Variants in ULK2 observed in about 807,000 individuals in gnomAD.
The protein encoded by ULK2 is serine/threonine-protein kinase ULK2.
ULK2 carries 76 observed loss-of-function variants against 127.5 expected under a neutral mutation model. The ratio of observed to expected loss-of-function variants is 0.60; its 90% CI spans 0.50 to 0.72. The LOEUF is 0.72. Among genes scored for constraint, ULK2 ranks in the 30% least tolerant of loss-of-function variants. ULK2 has a pLI of 0.00. For missense variants in ULK2, 1,144 were observed against 1,295.9 expected (o/e 0.88, Z 1.80); for synonymous variants, 452 against 461.9 (o/e 0.98, Z 0.28).
In ULK2 at chr17:19,867,529, A is replaced by C; in HGVS notation, c.-112T>G. ...CGCCAGCGTGCGGCGGGTCTGGGGCAGCCGCAGCCCCGGGCCCGGGCGGAC... is the reference window on the plus strand; with the variant it reads ...CGCCAGCGTGCGGCGGGTCTGGGGCCGCCGCAGCCCCGGGCCCGGGCGGAC... On this transcript the variant is annotated 5_prime_UTR_variant, in exon 1 of 27. Coordinates refer to ENST00000395544, the MANE Select transcript of ULK2 (RefSeq NM_014683.4). 1 of 640,506 alleles carries C rather than the reference A, an allele frequency of 1.6e-6. No individual in the cohort carries two copies. Among genetic ancestry groups the C allele is most frequent in the Non-Finnish European group, 2.2e-6 (1 of 451,610 alleles). 39.7% of individuals were successfully genotyped at this position (640,506 alleles called of 1,614,324 possible).
At chr17:19,852,373 T>G (rs2042036346) in intron 3 of ULK2, among the ~76,000 whole-genome samples, 1 of 149,758 alleles carries the variant, frequency 6.7e-6, no homozygotes, top group Non-Finnish European at 1.5e-5. Context: ...TACAAAAAGT[T>G]AGCTGGGCAT....
chr17:19,817,755 G>A (rs573441314), intron 12 of ULK2, among the ~76,000 whole-genome samples: 14 of 152,154 alleles, frequency 9.2e-5, no homozygotes, highest in South Asian at 6.2e-4. Flanking sequence ...TTTAAGGAAC[G>A]GAAAAATACT....
Position 19,867,499 on chromosome 17 carries a change from G to A in ULK2, c.-82C>T, listed in dbSNP as rs995365838. 13 of 1,104,356 alleles carry A rather than the reference G, an allele frequency of 1.2e-5. No homozygotes were observed. Among genetic ancestry groups the A allele is most frequent in the South Asian group, 4.5e-5 (2 of 44,740 alleles). The allele number at this position is 1,104,356 out of a possible 1,614,324, so 68.4% of individuals were successfully genotyped here. A position where few individuals can be genotyped will look rare whatever the true frequency, so the allele number is the denominator to read the frequency against. ...TCAGCACCGCGGCTCCGCGGGCCCG[G>A]AGCGCGCCAGCGTGCGGCGGGTCTG... On this transcript the variant is annotated 5_prime_UTR_variant, in exon 1 of 27. Transcript: ENST00000395544.
chr17:19,806,834 TG>T (rs2087526462), intron 14 of ULK2, among the ~76,000 whole-genome samples: 2 of 152,194 alleles, frequency 1.3e-5, no homozygotes, highest in Admixed American at 1.3e-4. Context: ...ATGAAATACT[TG>T]AAAGATAAGG....
At chr17:19,819,295 A>G (rs1026908529) in intron 12 of ULK2, among the ~76,000 whole-genome samples, 4 of 152,118 alleles carry the variant, frequency 2.6e-5, no homozygotes, top group Admixed American at 6.6e-5. Context: ...TGTACTGTGG[A>G]CCATTCTTCT....
intron 3 of ULK2, among the ~76,000 whole-genome samples, chr17:19,856,343 G>C (rs982484055): frequency 6.6e-6 from 1 of 152,176 alleles, no homozygotes; most frequent in Non-Finnish European, 1.5e-5. Context: ...AGCACTTTGG[G>C]AGGCCGAGGC....
chr17:19,861,518 C>G (rs1231495992), intron 3 of ULK2, among the ~76,000 whole-genome samples: 2 of 151,850 alleles, frequency 1.3e-5, no homozygotes, highest in African/African-American at 4.8e-5. Flanking sequence ...GCGCTCCAGC[C>G]TGGCCAACAG....
chr17:19,780,763 A>T (rs1008619695), intron 24 of ULK2, 134 bp from the exon 25 acceptor site: 4 of 1,104,546 alleles, frequency 3.6e-6, no homozygotes, highest in Non-Finnish European at 5.0e-6. Context: ...CAGAAATAGG[A>T]TTTTTTCATG....
At chr17:19,828,920 A>C (rs205106) in intron 10 of ULK2, among the ~76,000 whole-genome samples, 136,140 of 152,176 alleles carry the variant, frequency 0.89, 61,619 homozygotes, top group Non-Finnish European at 0.97. Flanking sequence ...GAAACCAAAA[A>C]TACAAAAAAA....
rs1407755444 is a variant in ULK2 at position 19,808,135 on chromosome 17, G to A, written c.1157+2243C>T. On this transcript the variant is annotated intron_variant, in intron 14 of 26. Transcript: ENST00000395544. ...AATAAAAGATACTCTTGCATATACAGTGAAATGATCTCAGACAAGAATGCT... is the reference window on the plus strand; with the variant it reads ...AATAAAAGATACTCTTGCATATACAATGAAATGATCTCAGACAAGAATGCT... Among the ~76,000 whole-genome samples the A allele has an allele frequency of 2.0e-5, 3 of 152,122 alleles. No individual in the cohort carries two copies. The East Asian group carries it at 5.8e-4, about 29-fold the overall frequency.
chr17:19,843,036 A>T, intron 8 of ULK2, 85 bp downstream of exon 8: 1 of 1,163,290 alleles, frequency 8.6e-7, no homozygotes, highest in South Asian at 1.3e-5. Context: ...CACTGCTTTC[A>T]AAGTATTCTT....
chr17:19,849,856 C>A, intron 3 of ULK2, 82 bp from the exon 4 acceptor site: 1 of 823,354 alleles, frequency 1.2e-6, no homozygotes, highest in Admixed American at 2.9e-5. Context: ...AAATACCATA[C>A]TTGTTCATTA....
intron 6 of ULK2, among the ~76,000 whole-genome samples, chr17:19,845,714 ATTGTTTCAAATAATT>A (rs2041864970): frequency 6.6e-6 from 1 of 152,242 alleles, no homozygotes; most frequent in East Asian, 1.9e-4. Flanking sequence ...TTATGCTTTT[ATTGTTTCAAATAATT>A]TTGAGGTACT....
intron 3 of ULK2, among the ~76,000 whole-genome samples, chr17:19,862,173 T>A (rs1272490795): frequency 1.3e-5 from 2 of 151,774 alleles, no homozygotes; most frequent in East Asian, 3.9e-4. Context: ...CTCAGCTCAC[T>A]GCAACCTCCG....
At chr17:19,852,246 G>A (rs2042032805) in intron 3 of ULK2, among the ~76,000 whole-genome samples, 1 of 151,830 alleles carries the variant, frequency 6.6e-6, no homozygotes, top group Admixed American at 6.6e-5. Flanking sequence ...AAAGCACTGG[G>A]CGCAGTGGCT....
At chr17:19,805,519 T>C (rs2087496365) in intron 14 of ULK2, among the ~76,000 whole-genome samples, 1 of 152,222 alleles carries the variant, frequency 6.6e-6, no homozygotes, top group South Asian at 2.1e-4. Flanking sequence ...AAAACACTTT[T>C]GTAGTGGAGA....
chr17:19,834,445 T>C (rs2041540564), intron 10 of ULK2, among the ~76,000 whole-genome samples: 1 of 149,606 alleles, frequency 6.7e-6, no homozygotes, highest in African/African-American at 2.5e-5. Flanking sequence ...TTAATATATA[T>C]GACAACACAA....
Position 19,776,401 on chromosome 17 carries a change from C to T in ULK2, c.3059G>A (p.Cys1020Tyr). The change falls in exon 27 of 27, where the codon TGT becomes TAT. Residue 1020 changes from cysteine to tyrosine, a missense_variant. Around this residue, in one of 2 missense-constraint regions of ULK2, gnomAD observed 913 missense variants for 970.5 expected, o/e 0.94. Coordinates refer to ENST00000395544, the MANE Select transcript of ULK2 (RefSeq NM_014683.4). The stretch of plus-strand genomic sequence containing the variant: ...CGCCGACAGTCTTCTCTCAATACTA[C>T]ATTTATCTAGAAATAAAATAACAAA... ...ADIENVHKYK[C>Y]SIERRLSALC... 1.9e-6 allele frequency: 3 copies of T among 1,595,308 alleles called. No homozygotes were observed. Among genetic ancestry groups the T allele is most frequent in the Non-Finnish European group, 2.6e-6 (3 of 1,170,992 alleles).
At chr17:19,814,456 T>TTTTTTTTTTTTTTTGTTTG in intron 13 of ULK2, among the ~76,000 whole-genome samples, 1 of 18,258 alleles carries the variant, frequency 5.5e-5, no homozygotes, top group Non-Finnish European at 1.1e-4. Context: ...TTTTTTTTTT[T>TTTTTTTTTTTTTTTGTTTG]TTTTTTTGGA....
Sources: gnomAD v4.1 joint callset for allele counts (sites outside exome capture counted in the v4.1 genomes callset) on GRCh38, gnomAD v4.1.1 for gene constraint, gnomAD v4.1.1 regional missense constraint, MANE v1.5 for transcripts, NCBI Gene and HGNC (gene_info 2026-07-23, HGNC 2026-07-21) for gene names.